The following LUZP2 variants were observed in gnomAD, a reference collection of about 807,000 sequenced individuals.
LUZP2 encodes the protein leucine zipper protein 2.
A neutral mutation model predicts 51.6 loss-of-function variants in LUZP2; 52 were observed. That is an observed-to-expected ratio of 1.01 (90% confidence interval 0.81 to 1.27). The LOEUF (loss-of-function observed/expected upper bound fraction) is 1.27, where lower values mean the gene tolerates loss of function less well. Among genes scored for constraint, LUZP2 ranks in the 50% most tolerant of loss-of-function variants. The probability of loss-of-function intolerance (pLI) is 0.00; values close to 1 mark genes in which losing one functional copy is unlikely to be tolerated. For synonymous variants in LUZP2, 154 were observed against 137.3 expected (o/e 1.12, Z -0.85); for missense variants, 436 against 395.4 (o/e 1.10, Z -0.87).
At chr11:24,738,924 G>T (rs555424431) in intron 4 of LUZP2, among the ~76,000 whole-genome samples, 1 of 152,154 alleles carries the variant, frequency 6.6e-6, no homozygotes, top group East Asian at 1.9e-4. Flanking sequence ...GGTTTCTACT[G>T]TATTCCCCAA....
intron 9 of LUZP2, among the ~76,000 whole-genome samples, chr11:25,004,503 G>A (rs1856780509): frequency 1.3e-5 from 2 of 152,072 alleles, no homozygotes; most frequent in Admixed American, 6.6e-5. Context: ...TTTGTTCAGG[G>A]CCCAGGGCTT....
At chr11:25,070,058 T>C (rs973456359) in intron 10 of LUZP2, among the ~76,000 whole-genome samples, 1 of 151,922 alleles carries the variant, frequency 6.6e-6, no homozygotes, top group African/African-American at 2.4e-5. Flanking sequence ...GGGAGTCTAC[T>C]CATTTAGGGA....
At chr11:24,832,386 T>G (rs1850727994) in intron 5 of LUZP2, among the ~76,000 whole-genome samples, 1 of 151,988 alleles carries the variant, frequency 6.6e-6, no homozygotes, top group African/African-American at 2.4e-5. Context: ...GATATGGTTT[T>G]AAGGTAATAA....
In LUZP2 at chr11:24,899,576, C is replaced by T. The variant is rs7950115; in HGVS notation, c.397-6415C>T. On this transcript the variant is annotated intron_variant, in intron 5 of 11. Transcript: ENST00000336930. ...ATTATTTAAAAATGCACTTTATATA[C>T]AAAGTCTCAAGAAAGATGAAAGTAA... Among the ~76,000 whole-genome samples, 827 of 152,056 alleles carry T rather than the reference C, an allele frequency of 5.4e-3. 5 individuals carry two copies. Among genetic ancestry groups the T allele is most frequent in the African/African-American group, 0.015 (635 of 41,512 alleles).
intron 1 of LUZP2, among the ~76,000 whole-genome samples, chr11:24,658,414 A>G (rs1443626914): frequency 6.6e-6 from 1 of 152,230 alleles, no homozygotes; most frequent in African/African-American, 2.4e-5. Context: ...CACCTTATAG[A>G]AAAATTAATT....
intron 1 of LUZP2, among the ~76,000 whole-genome samples, chr11:24,574,084 C>A (rs1177308222): frequency 6.6e-6 from 1 of 150,942 alleles, no homozygotes; most frequent in Non-Finnish European, 1.5e-5. Context: ...TCTCTCCTTT[C>A]TTTCCTTCCT....
intron 1 of LUZP2, among the ~76,000 whole-genome samples, chr11:24,568,893 A>G (rs922312647): frequency 4.0e-5 from 6 of 151,894 alleles, no homozygotes; most frequent in African/African-American, 1.4e-4. Flanking sequence ...ATAGTAATAC[A>G]TATGTTTTCT....
At chr11:25,004,136 C>T (rs937364100) in intron 9 of LUZP2, among the ~76,000 whole-genome samples, 4 of 152,130 alleles carry the variant, frequency 2.6e-5, no homozygotes, top group Admixed American at 2.0e-4. Flanking sequence ...GACCTGGGCA[C>T]CCTGAGTCCA....
chr11:24,749,496 T>G (rs1267866687), intron 4 of LUZP2, among the ~76,000 whole-genome samples: 2 of 152,072 alleles, frequency 1.3e-5, no homozygotes, highest in Non-Finnish European at 2.9e-5. Context: ...GCCATTTTAG[T>G]CTGTGGACTG....
chr11:24,852,596 G>A (rs1423102055), intron 5 of LUZP2, among the ~76,000 whole-genome samples: 1 of 147,424 alleles, frequency 6.8e-6, no homozygotes, highest in Non-Finnish European at 1.5e-5. Flanking sequence ...TTGGGGTGGA[G>A]AATTTTGTAG....
At chr11:25,044,589 ATTG>A (rs1858231906) in intron 9 of LUZP2, among the ~76,000 whole-genome samples, 1 of 152,052 alleles carries the variant, frequency 6.6e-6, no homozygotes, top group South Asian at 2.1e-4. Flanking sequence ...TTTTCTTCCT[ATTG>A]TTAAAAGTAA....
intron 1 of LUZP2, among the ~76,000 whole-genome samples, chr11:24,674,468 A>G (rs993239442): frequency 6.6e-6 from 1 of 152,212 alleles, no homozygotes; most frequent in Non-Finnish European, 1.5e-5. Flanking sequence ...AATAACAACA[A>G]CCAATGACAC....
At chr11:24,986,154 G>C (rs1195337239) in intron 9 of LUZP2, among the ~76,000 whole-genome samples, 2 of 151,712 alleles carry the variant, frequency 1.3e-5, no homozygotes, top group Admixed American at 6.6e-5. Context: ...AAATACTCCA[G>C]TGGTCTGTTG....
intron 5 of LUZP2, among the ~76,000 whole-genome samples, chr11:24,827,968 T>C (rs1850592258): frequency 6.6e-6 from 1 of 151,864 alleles, no homozygotes; most frequent in South Asian, 2.1e-4. Flanking sequence ...TGAATGACAT[T>C]TAGAGTTTGC....
chr11:25,037,473 T>C (rs1190571972), intron 9 of LUZP2, among the ~76,000 whole-genome samples: 1 of 152,160 alleles, frequency 6.6e-6, no homozygotes, highest in Non-Finnish European at 1.5e-5. Context: ...AATACTGATA[T>C]GTGTGATTTT....
chr11:25,065,776 A>G (rs1052981130), intron 10 of LUZP2, among the ~76,000 whole-genome samples: 5 of 152,066 alleles, frequency 3.3e-5, no homozygotes, highest in Non-Finnish European at 7.4e-5. Flanking sequence ...TTGTGTATGT[A>G]TTTAACAGTC....
chr11:24,913,853 C>T (rs981875036), intron 6 of LUZP2, among the ~76,000 whole-genome samples: 1 of 152,052 alleles, frequency 6.6e-6, no homozygotes, highest in Non-Finnish European at 1.5e-5. Flanking sequence ...ATTCAAAATA[C>T]ATGATCATAA....
At chr11:24,678,801 A>G (rs1278357710) in intron 1 of LUZP2, among the ~76,000 whole-genome samples, 1 of 152,228 alleles carries the variant, frequency 6.6e-6, no homozygotes, top group Non-Finnish European at 1.5e-5. Context: ...TGTTAATTTA[A>G]GCTTGACAAA....
chr11:25,076,712 A>C (rs1226011314), intron 10 of LUZP2, among the ~76,000 whole-genome samples: 1 of 150,450 alleles, frequency 6.6e-6, no homozygotes, highest in Non-Finnish European at 1.5e-5. Context: ...GTTAAAATAG[A>C]AGTGAAGCCC....
Sources: allele counts gnomAD v4.1 joint callset (sites outside exome capture counted in the v4.1 genomes callset), GRCh38; gene constraint gnomAD v4.1.1; transcripts MANE v1.5; gene names NCBI Gene and HGNC (gene_info 2026-07-23, HGNC 2026-07-21).